AOPEP: variants seen among roughly 807,000 people sequenced by gnomAD.
AOPEP encodes the protein aminopeptidase O (putative), also known as aminopeptidase O.
AOPEP carries 77 observed loss-of-function variants against 98.1 expected under a neutral mutation model. The ratio of observed to expected loss-of-function variants is 0.78; its 90% CI spans 0.65 to 0.95. The LOEUF (loss-of-function observed/expected upper bound fraction) is 0.95. AOPEP is among the 40% of genes least tolerant of loss of function. The pLI, the probability that AOPEP is intolerant of heterozygous loss-of-function variation, is 0.00. For synonymous variants in AOPEP, 346 were observed against 365.3 expected, an observed-to-expected ratio of 0.95 and a Z score of 0.60; for missense variants, 1,024 against 1,024.7, an observed-to-expected ratio of 1.00 and a Z score of 0.01.
downstream of AOPEP, among the ~76,000 whole-genome samples, chr9:95,089,186 G>T (rs1378116439): frequency 6.6e-6 from 1 of 152,186 alleles, no homozygotes; most frequent in African/African-American, 2.4e-5. Flanking sequence ...CTGGCAGAGA[G>T]GCCTCTAGAT....
At chr9:95,122,152 C>A in the AOPEP span, among the ~76,000 whole-genome samples, 9 of 152,130 alleles carry the variant, frequency 5.9e-5, no homozygotes, top group Admixed American at 2.0e-4. Flanking sequence ...GCCACCACGC[C>A]TGGCACATAA....
the AOPEP span, among the ~76,000 whole-genome samples, chr9:95,121,337 G>A: frequency 1.3e-5 from 2 of 152,184 alleles, no homozygotes; most frequent in Non-Finnish European, 2.9e-5. Flanking sequence ...GGGACAAGAG[G>A]AAAGGGTAAG....
At chr9:94,901,091 ACAT>A (rs10588606) in intron 5 of AOPEP, among the ~76,000 whole-genome samples, 129,161 of 151,896 alleles carry the variant, frequency 0.85, 56,606 homozygotes, top group Non-Finnish European at 0.95. Flanking sequence ...GTAATATGAA[ACAT>A]CATTTCAGTA....
intron 7 of AOPEP, chr9:94,931,901 C>A: frequency 8.3e-7 from 1 of 1,205,552 alleles, no homozygotes; most frequent in Admixed American, 2.5e-5. Flanking sequence ...ACCTCTCTTG[C>A]TGGCAGGTTA....
intron 6 of AOPEP, among the ~76,000 whole-genome samples, 173 bp downstream of exon 6, chr9:94,924,348 A>C (rs1004824899): frequency 3.3e-5 from 5 of 152,184 alleles, no homozygotes; most frequent in Non-Finnish European, 5.9e-5. Flanking sequence ...CAGGATTTAC[A>C]ATCTAGAGAT....
intron 1 of AOPEP, among the ~76,000 whole-genome samples, chr9:94,738,163 T>G (rs1797609334): frequency 6.6e-6 from 1 of 152,158 alleles, no homozygotes; most frequent in African/African-American, 2.4e-5. Context: ...AGCCAATAGT[T>G]TTTTGGTGCA....
intron 6 of AOPEP, among the ~76,000 whole-genome samples, chr9:94,925,489 C>A (rs553024575): frequency 6.6e-6 from 1 of 152,222 alleles, no homozygotes; most frequent in Non-Finnish European, 1.5e-5. Flanking sequence ...GGCTGATTAC[C>A]CGGCTCACAA....
At chr9:94,758,019 C>T (rs560279575) in intron 1 of AOPEP, among the ~76,000 whole-genome samples, 7 of 152,230 alleles carry the variant, frequency 4.6e-5, no homozygotes, top group Non-Finnish European at 1.0e-4. Context: ...TAAATTCAAA[C>T]TGTTCTTTGC....
chr9:95,101,076 GTAGCAGT>G, the AOPEP span: 1 of 235,184 alleles, frequency 4.3e-6, no homozygotes, highest in Non-Finnish European at 8.4e-6. Flanking sequence ...GGGCCTTTTG[GTAGCAGT>G]TAGCATCATT....
At chr9:94,822,786 T>C (rs1322201576) in intron 5 of AOPEP, among the ~76,000 whole-genome samples, 1 of 152,202 alleles carries the variant, frequency 6.6e-6, no homozygotes, top group Non-Finnish European at 1.5e-5. Context: ...GTACATGTCA[T>C]GTATCATCCC....
rs572521282 is a variant in AOPEP, at chr9:94,750,215, T to C, written c.-135-9434T>C. Among the ~76,000 whole-genome samples, 48 of 152,328 alleles carry C rather than the reference T, an allele frequency of 3.2e-4. 1 individual carries two copies. The highest frequency in any genetic ancestry group is 3.0e-3 in the Admixed American group (46 of 15,298). On this transcript the variant is annotated intron_variant, in intron 1 of 16. Coordinates refer to ENST00000375315, the MANE Select transcript of AOPEP (RefSeq NM_001193329.3). ...ACTCTTGCTTTGTAGACATCACCTT[T>C]CCTAAAGTTTTCCTTCTTTTCTCTC...
Position 94,924,044 on chromosome 9 carries a change from AC to A in AOPEP, c.1426del (p.Arg476AlafsTer13). 6.6e-7 allele frequency: 1 copy of A among 1,514,636 alleles called. No individual in the cohort carries two copies. The highest frequency in any genetic ancestry group is 1.3e-5 in the South Asian group (1 of 78,318). 93.8% of individuals were successfully genotyped at this position (1,514,636 alleles called of 1,614,324 possible). ...GACAGGAGGGAACCATCTCTGTGGGACCCGCCTCTGCCATGAAATTGCCCAT... is the reference window on the plus strand; with the variant it reads ...GACAGGAGGGAACCATCTCTGTGGGACCGCCTCTGCCATGAAATTGCCCAT... ...ILTGGNHLCG[T>X]RLCHEIAHAW... On this transcript the variant is annotated frameshift_variant, in exon 6 of 17. Transcript: ENST00000375315. LOFTEE classifies it high-confidence loss of function.
intron 15 of AOPEP, among the ~76,000 whole-genome samples, chr9:95,081,594 G>T (rs1032427855): frequency 3.3e-5 from 5 of 152,212 alleles, no homozygotes; most frequent in Non-Finnish European, 7.3e-5. Context: ...AAAAGTACAT[G>T]CCTTTGTACC....
intron 3 of AOPEP, among the ~76,000 whole-genome samples, chr9:94,783,620 G>A (rs943816068): frequency 3.9e-5 from 6 of 152,126 alleles, no homozygotes; most frequent in Admixed American, 3.3e-4. Context: ...GCCAGGAGGG[G>A]AAGAGCAGCC....
chr9:94,984,944 T>A (rs1329639885), intron 11 of AOPEP, among the ~76,000 whole-genome samples: 3 of 152,176 alleles, frequency 2.0e-5, no homozygotes, highest in Admixed American at 1.3e-4. Flanking sequence ...GAGTGCTGGG[T>A]TCACAGTAGA....
chr9:94,947,491 C>G (rs1479512467), intron 7 of AOPEP, among the ~76,000 whole-genome samples: 2 of 152,192 alleles, frequency 1.3e-5, no homozygotes, highest in Non-Finnish European at 2.9e-5. Context: ...GATCCTCTGC[C>G]TTGGCCTCCT....
intron 14 of AOPEP, among the ~76,000 whole-genome samples, chr9:95,071,213 T>C (rs756309538): frequency 3.9e-5 from 6 of 152,012 alleles, no homozygotes; most frequent in Non-Finnish European, 8.8e-5. Flanking sequence ...ACTGGTTGTT[T>C]CCCAAATCTG....
In AOPEP at chr9:94,860,962, G is replaced by T. The variant is rs574911123; in HGVS notation, c.1364+59960G>T. On this transcript the variant is annotated intron_variant, in intron 5 of 16. Transcript: ENST00000375315. Reference sequence around the variant, plus strand: ...GATAAATAAACCTCTTAGGGCATCAGTGTCCTCATCTACAAATTGGGGGCA... The same window carrying T: ...GATAAATAAACCTCTTAGGGCATCATTGTCCTCATCTACAAATTGGGGGCA... Among the ~76,000 whole-genome samples the T allele has an allele frequency of 3.9e-5, 6 of 152,318 alleles. No homozygotes were observed. In the East Asian group the frequency reaches 1.2e-3, roughly 29 times the overall value.
chr9:95,012,869 G>C (rs2132947944), intron 13 of AOPEP, among the ~76,000 whole-genome samples: 1 of 150,894 alleles, frequency 6.6e-6, no homozygotes, highest in South Asian at 2.1e-4. Flanking sequence ...ACTCATACCT[G>C]GCTATTGCAT....
Sources: allele counts gnomAD v4.1 joint callset (sites outside exome capture counted in the v4.1 genomes callset), GRCh38; gene constraint gnomAD v4.1.1; transcripts MANE v1.5; gene names NCBI Gene and HGNC (gene_info 2026-07-23, HGNC 2026-07-21).